FGF12: variants seen among roughly 807,000 people sequenced by gnomAD.
FGF12 encodes fibroblast growth factor 12B.
In FGF12, 14 loss-of-function variants were observed where a neutral mutation model predicts 23.6. That is an observed-to-expected ratio of 0.59 (90% CI 0.39 to 0.93). FGF12 has a LOEUF of 0.93. FGF12 is among the 40% of genes least tolerant of loss of function. The pLI, the probability that FGF12 is intolerant of heterozygous loss-of-function variation, is 0.00. For synonymous variants in FGF12, 62 were observed against 77.3 expected (o/e 0.80, Z 1.04); for missense variants, 175 against 217.8 (o/e 0.80, Z 1.24).
chr3:192,495,607 T>G (rs2134125), intron 2 of FGF12, among the ~76,000 whole-genome samples: 125,017 of 152,120 alleles, frequency 0.82, 52,265 homozygotes, highest in Non-Finnish European at 0.9. Flanking sequence ...TTGTCAAAAT[T>G]CACATAGTTT....
At chr3:192,158,410 T>TC (rs1421317994) in intron 5 of FGF12, among the ~76,000 whole-genome samples, 15 of 4,526 alleles carry the variant, frequency 3.3e-3, no homozygotes, top group African/African-American at 0.03. Flanking sequence ...TCTTTTTCTT[T>TC]CTTTCTCTTT....
chr3:192,277,884 T>C (rs886708089), intron 4 of FGF12, among the ~76,000 whole-genome samples: 3 of 152,192 alleles, frequency 2.0e-5, no homozygotes, highest in African/African-American at 7.2e-5. Context: ...TGCCTCAGCC[T>C]CCCAAGTAGC....
At chr3:192,410,554 A>C (rs1036294446) in intron 2 of FGF12, among the ~76,000 whole-genome samples, 1 of 152,154 alleles carries the variant, frequency 6.6e-6, no homozygotes, top group Non-Finnish European at 1.5e-5. Flanking sequence ...TTTAGTTAGG[A>C]AGAAAGTGAA....
chr3:192,565,722 C>T (rs1042411908), intron 2 of FGF12, among the ~76,000 whole-genome samples: 1 of 152,090 alleles, frequency 6.6e-6, no homozygotes, highest in Non-Finnish European at 1.5e-5. Context: ...TGTTAGTATG[C>T]CCCACAATTT....
chr3:192,686,499 C>T (rs1717738810), intron 2 of FGF12, among the ~76,000 whole-genome samples: 1 of 152,116 alleles, frequency 6.6e-6, no homozygotes, highest in Non-Finnish European at 1.5e-5. Flanking sequence ...CCCGGTTGTT[C>T]TGAATGTAGT....
chr3:192,511,206 A>G (rs1279521953), intron 2 of FGF12, among the ~76,000 whole-genome samples: 1 of 143,390 alleles, frequency 7.0e-6, no homozygotes, highest in African/African-American at 2.6e-5. Context: ...CAGGCAAGCA[A>G]GGAAGCAATT....
At chr3:192,467,775 C>T (rs769606524) in intron 2 of FGF12, among the ~76,000 whole-genome samples, 1 of 152,182 alleles carries the variant, frequency 6.6e-6, no homozygotes, top group South Asian at 2.1e-4. Flanking sequence ...AATGGCAGAG[C>T]TCAAACTTAA....
chr3:192,574,814 G>T (rs974964204), intron 2 of FGF12, among the ~76,000 whole-genome samples: 33 of 152,206 alleles, frequency 2.2e-4, no homozygotes. Flanking sequence ...TCAGGTAACT[G>T]CACATGCAGA....
At chr3:192,552,889 T>TCAAAAA (rs1188394539) in intron 2 of FGF12, among the ~76,000 whole-genome samples, 52 of 151,360 alleles carry the variant, frequency 3.4e-4, no homozygotes, top group African/African-American at 1.3e-3. Context: ...AGACTCTGTC[T>TCAAAAA]CAAAAACAAA....
chr3:192,403,882 G>A (rs150107596), intron 2 of FGF12, among the ~76,000 whole-genome samples: 2 of 152,036 alleles, frequency 1.3e-5, no homozygotes, highest in African/African-American at 2.4e-5. Context: ...TGAGTATACT[G>A]TTAAACACTG....
chr3:192,710,518 G>C (rs1017481208), intron 2 of FGF12, among the ~76,000 whole-genome samples: 3 of 152,216 alleles, frequency 2.0e-5, no homozygotes, highest in African/African-American at 7.2e-5. Flanking sequence ...GAAAGCTGAG[G>C]TCCTAAGTCA....
intron 2 of FGF12, among the ~76,000 whole-genome samples, chr3:192,419,417 C>G (rs1172709817): frequency 3.3e-5 from 5 of 152,124 alleles, no homozygotes; most frequent in African/African-American, 9.7e-5. Flanking sequence ...AAGAGATTCA[C>G]ACTAAGAACA....
chr3:192,351,852 C>T (rs1315259384), intron 3 of FGF12, among the ~76,000 whole-genome samples: 5 of 151,988 alleles, frequency 3.3e-5, no homozygotes, highest in Non-Finnish European at 7.4e-5. Flanking sequence ...GACAAGATGG[C>T]TAAAGAAGAC....
chr3:192,637,740 A>G (rs146494436), intron 2 of FGF12, among the ~76,000 whole-genome samples: 69 of 152,342 alleles, frequency 4.5e-4, no homozygotes, highest in African/African-American at 1.5e-3. Flanking sequence ...AAAGGAAACA[A>G]TATATATAAG....
At chr3:192,603,959 C>G (rs947327523) in intron 2 of FGF12, among the ~76,000 whole-genome samples, 1 of 152,144 alleles carries the variant, frequency 6.6e-6, no homozygotes, top group African/African-American at 2.4e-5. Context: ...CAGTCCTTAT[C>G]TCAACCACAC....
At chr3:192,421,004 C>T (rs1415881279) in intron 2 of FGF12, among the ~76,000 whole-genome samples, 1 of 151,994 alleles carries the variant, frequency 6.6e-6, no homozygotes, top group East Asian at 1.9e-4. Flanking sequence ...CAATAAAATG[C>T]TACAAAACAC....
At position 192,664,865 on chromosome 3, in the gene FGF12, T is replaced by C. The variant is rs887415666; in HGVS notation, c.13+62316A>G. Among the ~76,000 whole-genome samples the C allele has an allele frequency of 9.2e-5, 14 of 152,208 alleles. 1 individual carries two copies. In the South Asian group the frequency reaches 1.7e-3, roughly 18 times the overall value. ...CATGGAATAAAGAATCCAGTACAAA[T>C]TGACGTAATGTCTACTATCTAGAGT... is the stretch of plus-strand genomic sequence containing the variant. On this transcript the variant is annotated intron_variant, in intron 2 of 5. Transcript: ENST00000445105.
intron 2 of FGF12, among the ~76,000 whole-genome samples, chr3:192,689,756 A>G (rs1432051687): frequency 6.6e-6 from 1 of 152,086 alleles, no homozygotes; most frequent in Non-Finnish European, 1.5e-5. Context: ...TTAGAAAAAT[A>G]ATGGCTAAAA....
At chr3:192,196,165 T>C (rs1468218255) in intron 4 of FGF12, among the ~76,000 whole-genome samples, 1 of 152,152 alleles carries the variant, frequency 6.6e-6, no homozygotes, top group Non-Finnish European at 1.5e-5. Context: ...TCCAGTTTCA[T>C]CCATGATTTC....
Sources: gnomAD v4.1 joint callset for allele counts (sites outside exome capture counted in the v4.1 genomes callset) on GRCh38, gnomAD v4.1.1 for gene constraint, MANE v1.5 for transcripts, NCBI Gene and HGNC (gene_info 2026-07-23, HGNC 2026-07-21) for gene names.